TENM1: variants seen among roughly 807,000 people sequenced by gnomAD.
TENM1 encodes the protein teneurin-1.
TENM1 carries 35 observed loss-of-function variants against 174.8 expected under a neutral mutation model. That is an observed-to-expected ratio of 0.20 (90% confidence interval 0.15 to 0.27). The LOEUF is 0.27. Ranked by LOEUF, TENM1 falls within the 10% of genes least tolerant of loss-of-function variation. The pLI, the probability that TENM1 is intolerant of heterozygous loss-of-function variation, is 1.00. For missense variants in TENM1, 1,633 were observed against 2,130.1 expected, an observed-to-expected ratio of 0.77 and a Z score of 4.59; for synonymous variants, 781 against 798.7, an observed-to-expected ratio of 0.98 and a Z score of 0.37.
At chrX:125,163,405 A>C in the TENM1 span, among the ~76,000 whole-genome samples, 2,915 of 110,831 alleles carry the variant, frequency 0.026, 283 homozygotes, top group Admixed American at 0.25. Context: ...AAATCAGTAT[A>C]ACTATTGTAT....
At chrX:124,416,242 G>GTC (rs2060592636) in intron 25 of TENM1, among the ~76,000 whole-genome samples, 1 of 111,055 alleles carries the variant, frequency 9.0e-6, no homozygotes, top group East Asian at 2.8e-4. Flanking sequence ...TGAATTAACC[G>GTC]TCACTCCCCA....
At chrX:125,040,873 A>C in the TENM1 span, among the ~76,000 whole-genome samples, 1 of 111,387 alleles carries the variant, frequency 9.0e-6, no homozygotes. Flanking sequence ...ACCTCAGTAA[A>C]CTTGTTTTCA....
chrX:124,480,937 A>G (rs2046828580), intron 22 of TENM1, among the ~76,000 whole-genome samples: 1 of 111,751 alleles, frequency 8.9e-6, no homozygotes. Flanking sequence ...TTAAAAGTTG[A>G]CTATCCTTCA....
chrX:124,664,679 GGTGTGT>G (rs576286188), intron 6 of TENM1, among the ~76,000 whole-genome samples: 8,451 of 86,869 alleles, frequency 0.097, 576 homozygotes, highest in African/African-American at 0.21. Flanking sequence ...GTACTTGTGG[GGTGTGT>G]GTGTGTGTGT....
chrX:124,937,108 C>T (rs186032091), intron 1 of TENM1, among the ~76,000 whole-genome samples: 110 of 110,025 alleles, frequency 1.0e-3, no homozygotes, highest in African/African-American at 3.4e-3. Context: ...ATCTTTCAGC[C>T]GTAAATAAAT....
chrX:124,782,096 T>C (rs893269675), intron 3 of TENM1, among the ~76,000 whole-genome samples: 3 of 111,537 alleles, frequency 2.7e-5, no homozygotes, highest in Non-Finnish European at 5.7e-5. Context: ...TGGCAACTTT[T>C]CAAGCCATGT....
At chrX:124,669,983 C>T (rs1192286909) in intron 6 of TENM1, among the ~76,000 whole-genome samples, 1 of 111,424 alleles carries the variant, frequency 9.0e-6, no homozygotes, top group East Asian at 2.8e-4. Flanking sequence ...GGAATCAGAC[C>T]ACCACTTACT....
At chrX:124,685,312 C>T (rs1238761769) in intron 5 of TENM1, among the ~76,000 whole-genome samples, 2 of 110,597 alleles carry the variant, frequency 1.8e-5, no homozygotes, top group African/African-American at 6.6e-5. Context: ...TGAATAAAAT[C>T]AGAAAACAGC....
chrX:124,674,515 T>G (rs1040916264), intron 5 of TENM1, among the ~76,000 whole-genome samples: 5 of 110,614 alleles, frequency 4.5e-5, no homozygotes, highest in Admixed American at 9.7e-5. Context: ...TAACACCTAC[T>G]TCCTAATTTA....
chrX:124,772,394 GA>G (rs765547153), intron 3 of TENM1, among the ~76,000 whole-genome samples: 1 of 111,928 alleles, frequency 8.9e-6, no homozygotes, highest in South Asian at 3.7e-4. Flanking sequence ...CCTTGGCTTC[GA>G]AAGTGCTGGG....
At chrX:124,784,039 T>C (rs2054980340) in intron 3 of TENM1, among the ~76,000 whole-genome samples, 1 of 111,747 alleles carries the variant, frequency 8.9e-6, no homozygotes, top group African/African-American at 3.2e-5. Flanking sequence ...GTCATTGGAG[T>C]CCAAAAAATT....
At chrX:124,377,184 G>A (rs1314291755) in exon 32 of TENM1, 1 of 110,501 alleles carries the variant, frequency 9.0e-6, no homozygotes, top group African/African-American at 3.3e-5. Flanking sequence ...GCTTGAAACT[G>A]TGTCAACAGT....
At chrX:124,751,156 T>C (rs185897041) in intron 3 of TENM1, among the ~76,000 whole-genome samples, 109 of 111,850 alleles carry the variant, frequency 9.7e-4, no homozygotes, top group Middle Eastern at 4.6e-3. Flanking sequence ...AATTTATGTA[T>C]GCTGTTTTTC....
the TENM1 span, among the ~76,000 whole-genome samples, chrX:124,981,673 T>C: frequency 9.0e-6 from 1 of 111,430 alleles, no homozygotes; most frequent in African/African-American, 3.3e-5. Context: ...GAATGCAATA[T>C]GTTTGACCCA....
chrX:125,150,406 G>A, the TENM1 span, among the ~76,000 whole-genome samples: 1 of 106,415 alleles, frequency 9.4e-6, no homozygotes, highest in Admixed American at 1.0e-4. Flanking sequence ...AAACTCTGCC[G>A]AGCCTGCATT....
intron 25 of TENM1, among the ~76,000 whole-genome samples, chrX:124,417,262 T>C (rs2060604181): frequency 9.1e-6 from 1 of 110,258 alleles, no homozygotes; most frequent in South Asian, 4.0e-4. Context: ...CAGGCTGGAG[T>C]GCAGTGGCGC....
chrX:124,911,509 G>T (rs138871102), intron 1 of TENM1, among the ~76,000 whole-genome samples: 2 of 111,901 alleles, frequency 1.8e-5, no homozygotes, highest in Non-Finnish European at 3.8e-5. Context: ...ACTGAGACAG[G>T]CTCCAGAGAA....
At chrX:125,113,216 T>G in the TENM1 span, among the ~76,000 whole-genome samples, 3 of 111,545 alleles carry the variant, frequency 2.7e-5, no homozygotes, top group African/African-American at 9.8e-5. Context: ...TCTTACCTCA[T>G]GCCAGATAAA....
At chrX:125,184,992 T>C in the TENM1 span, among the ~76,000 whole-genome samples, 1 of 111,635 alleles carries the variant, frequency 9.0e-6, no homozygotes, top group Non-Finnish European at 1.9e-5. Flanking sequence ...TATACCTACA[T>C]TGGCACATTT....
Sources: gnomAD v4.1 joint callset for allele counts (sites outside exome capture counted in the v4.1 genomes callset) on GRCh38, gnomAD v4.1.1 for gene constraint, MANE v1.5 for transcripts, NCBI Gene and HGNC (gene_info 2026-07-23, HGNC 2026-07-21) for gene names.